Variants in HMGCLL1 observed in about 807,000 individuals in gnomAD.
HMGCLL1 encodes 3-hydroxy-3-methylglutaryl-CoA lyase like 1, also known as 3-hydroxymethyl-3-methylglutaryl-CoA lyase, cytoplasmic.
HMGCLL1 carries 36 observed loss-of-function variants against 39.1 expected under a neutral mutation model. The ratio of observed to expected loss-of-function variants is 0.92; its 90% CI spans 0.71 to 1.22. HMGCLL1 has a LOEUF of 1.22. HMGCLL1 is among the 50% of genes most tolerant of loss of function. The pLI, the probability that HMGCLL1 is intolerant of heterozygous loss-of-function variation, is 0.00. For missense variants in HMGCLL1, 451 were observed against 416.5 expected, an observed-to-expected ratio of 1.08 and a Z score of -0.72; for synonymous variants, 149 against 144.0, an observed-to-expected ratio of 1.03 and a Z score of -0.25.
At chr6:55,549,367 T>C (rs1466696958) in intron 1 of HMGCLL1, among the ~76,000 whole-genome samples, 1 of 131,580 alleles carries the variant, frequency 7.6e-6, no homozygotes, top group Non-Finnish European at 1.7e-5. Context: ...CCCCTGCAAA[T>C]ACAGAAGTGT....
chr6:55,530,463 C>T (rs996035117), intron 3 of HMGCLL1, among the ~76,000 whole-genome samples: 15 of 151,940 alleles, frequency 9.9e-5, no homozygotes, highest in Admixed American at 3.9e-4. Context: ...ATTATAATTC[C>T]AATCAGTGAT....
At chr6:55,601,654 A>G in the HMGCLL1 span, among the ~76,000 whole-genome samples, 2 of 152,090 alleles carry the variant, frequency 1.3e-5, no homozygotes, top group Admixed American at 6.6e-5. Context: ...GTTTAGCCCT[A>G]AAAACTTTTT....
chr6:55,645,430 A>G, the HMGCLL1 span, among the ~76,000 whole-genome samples: 2 of 151,974 alleles, frequency 1.3e-5, no homozygotes, highest in Non-Finnish European at 2.9e-5. Context: ...ACTTCCAAGT[A>G]CTAAGTTCAA....
intron 7 of HMGCLL1, among the ~76,000 whole-genome samples, chr6:55,492,741 T>C (rs1168837092): frequency 6.6e-6 from 1 of 152,220 alleles, no homozygotes; most frequent in Non-Finnish European, 1.5e-5. Context: ...TCCATGTATT[T>C]ACACTGTGGC....
At chr6:55,477,202 TAA>T (rs1765369626) in intron 7 of HMGCLL1, among the ~76,000 whole-genome samples, 1 of 24,264 alleles carries the variant, frequency 4.1e-5, no homozygotes, top group Non-Finnish European at 5.9e-5. Flanking sequence ...ATATATTATA[TAA>T]TATATATTAT....
rs933006901 is a variant in HMGCLL1 at position 55,495,505 on chromosome 6, T to A, written c.709A>T (p.Met237Leu). 1 of 1,613,938 alleles carries A rather than the reference T, an allele frequency of 6.2e-7. No individual in the cohort carries two copies. Among genetic ancestry groups the A allele is most frequent in the Admixed American group, 1.7e-5 (1 of 60,002 alleles). The change falls in exon 7 of 9, where the codon ATG (methionine) becomes TTG (leucine). Residue 237 changes from methionine to leucine, a missense_variant. Physicochemically the swap from Met to Leu is conservative, Grantham distance 15. Transcript: ENST00000274901. ...GSMKRMLESVMKEIPPGALAV... is the reference protein window; with the variant it reads ...GSMKRMLESVLKEIPPGALAV... ...AGAGCACCTGGTGGGATTTCTTTCA[T>A]CACACTTTCCAACATTCTTTTCATA...
At chr6:55,482,554 C>CT (rs1765800867) in intron 7 of HMGCLL1, among the ~76,000 whole-genome samples, 1 of 152,048 alleles carries the variant, frequency 6.6e-6, no homozygotes, top group African/African-American at 2.4e-5. Context: ...AAATAAATAA[C>CT]ATTTTCTTTC....
Position 55,495,614 on chromosome 6 carries a change from A to C in HMGCLL1, c.607-7T>G, listed in dbSNP as rs1766537763. ...CGTACAATCTCTTAGACACCTGTTG[A>C]TAAAGGTGAAGTGCTAGTAAAATAA... On this transcript the variant is annotated splice_polypyrimidine_tract_variant and splice_region_variant and intron_variant, in intron 6 of 8. Coordinates refer to ENST00000274901, the MANE Select transcript of HMGCLL1 (RefSeq NM_001042406.2). 2 of 1,575,720 alleles carry C rather than the reference A, an allele frequency of 1.3e-6. No homozygotes were observed. Among genetic ancestry groups the C allele is most frequent in the Non-Finnish European group, 1.7e-6 (2 of 1,160,596 alleles).
the HMGCLL1 span, among the ~76,000 whole-genome samples, chr6:55,607,180 A>G: frequency 6.6e-6 from 1 of 152,200 alleles, no homozygotes; most frequent in Non-Finnish European, 1.5e-5. Flanking sequence ...TATTTGTCAC[A>G]ACTCCACAAA....
chr6:55,627,904 A>ATCC, the HMGCLL1 span, among the ~76,000 whole-genome samples: 19 of 22,618 alleles, frequency 8.4e-4, no homozygotes, highest in African/African-American at 3.8e-3. Context: ...TATATAGTAT[A>ATCC]TATACTATAT....
At chr6:55,604,853 T>C in the HMGCLL1 span, among the ~76,000 whole-genome samples, 1 of 152,214 alleles carries the variant, frequency 6.6e-6, no homozygotes, top group African/African-American at 2.4e-5. Flanking sequence ...ACAGGGAATA[T>C]TGTAAGCATT....
At chr6:55,533,885 C>CAA (rs70986727) in intron 3 of HMGCLL1, among the ~76,000 whole-genome samples, 1 of 71,718 alleles carries the variant, frequency 1.4e-5, no homozygotes, top group Non-Finnish European at 2.8e-5. Flanking sequence ...GACTCCGTCT[C>CAA]AAAAAAAAAA....
At chr6:55,617,457 A>G in the HMGCLL1 span, among the ~76,000 whole-genome samples, 7 of 152,104 alleles carry the variant, frequency 4.6e-5, no homozygotes, top group Non-Finnish European at 1.0e-4. Flanking sequence ...CCACTTTGTC[A>G]CTTGTACAGC....
At chr6:55,571,277 T>G (rs1215055672) in intron 1 of HMGCLL1, among the ~76,000 whole-genome samples, 1 of 152,196 alleles carries the variant, frequency 6.6e-6, no homozygotes, top group Non-Finnish European at 1.5e-5. Flanking sequence ...AAAAGAATCT[T>G]GAGAATGGTA....
chr6:55,503,587 C>T (rs1056631797), intron 5 of HMGCLL1, among the ~76,000 whole-genome samples: 4 of 151,408 alleles, frequency 2.6e-5, no homozygotes, highest in African/African-American at 9.7e-5. Flanking sequence ...CTCCATAGTC[C>T]CTCTCGCTCA....
chr6:55,574,429 T>G (rs1326436742), intron 1 of HMGCLL1, among the ~76,000 whole-genome samples: 1 of 151,882 alleles, frequency 6.6e-6, no homozygotes, highest in Non-Finnish European at 1.5e-5. Flanking sequence ...CATATTTGCA[T>G]TTTTAATAAG....
intron 1 of HMGCLL1, among the ~76,000 whole-genome samples, chr6:55,547,619 G>A (rs887972494): frequency 1.3e-5 from 2 of 151,942 alleles, no homozygotes; most frequent in African/African-American, 4.8e-5. Flanking sequence ...CTGCTATGAT[G>A]TTCCAATCAA....
chr6:55,665,915 G>A, the HMGCLL1 span, among the ~76,000 whole-genome samples: 1 of 151,660 alleles, frequency 6.6e-6, no homozygotes, highest in Non-Finnish European at 1.5e-5. Flanking sequence ...CTACTATAAA[G>A]TTGGGCAAAT....
Position 55,542,064 on chromosome 6 carries a change from T to A in HMGCLL1, c.185A>T (p.Glu62Val). 1 of 1,592,124 alleles carries A rather than the reference T, an allele frequency of 6.3e-7. No individual in the cohort carries two copies. Among genetic ancestry groups the A allele is most frequent in the Non-Finnish European group, 8.6e-7 (1 of 1,161,928 alleles). The change falls in exon 2 of 9, where the codon GAA (glutamate) becomes GTA (valine). Residue 62 changes from glutamate (E) to valine (V), a missense_variant. Coordinates refer to ENST00000274901, the MANE Select transcript of HMGCLL1 (RefSeq NM_001042406.2). ...EVGPRDGLQN[E>V]KVIVPTDIKI... ...AAGTAAATGATGTAAAACTACCTTTTCATTCTGCAATCCATCCCTAGGCCC... is the reference window on the plus strand; with the variant it reads ...AAGTAAATGATGTAAAACTACCTTTACATTCTGCAATCCATCCCTAGGCCC...
Sources: allele counts gnomAD v4.1 joint callset (sites outside exome capture counted in the v4.1 genomes callset), GRCh38; gene constraint gnomAD v4.1.1; transcripts MANE v1.5; gene names NCBI Gene and HGNC (gene_info 2026-07-23, HGNC 2026-07-21).